RIN3: variants seen among roughly 807,000 people sequenced by gnomAD.
The protein encoded by RIN3 is Ras and Rab interactor 3, also known as RAB5 interacting protein 3.
In RIN3, 54 loss-of-function variants were observed where a neutral mutation model predicts 76.3. That is an observed-to-expected ratio of 0.71 (90% CI 0.57 to 0.89). The LOEUF (loss-of-function observed/expected upper bound fraction) is 0.89. RIN3 is among the 40% of genes least tolerant of loss of function. The pLI, the probability that RIN3 is intolerant of heterozygous loss-of-function variation, is 0.00. For synonymous variants in RIN3, 576 were observed against 564.0 expected (o/e 1.02, Z -0.30); for missense variants, 1,256 against 1,322.1 (o/e 0.95, Z 0.78).
At chr14:92,638,080 T>C (rs78877697) in intron 4 of RIN3, among the ~76,000 whole-genome samples, 16,977 of 152,226 alleles carry the variant, frequency 0.11, 1,066 homozygotes, top group Non-Finnish European at 0.14. Context: ...CTGTGTGTGC[T>C]TTCCTCTGGA....
chr14:92,617,947 A>G (rs546472900), intron 4 of RIN3, among the ~76,000 whole-genome samples: 23 of 152,322 alleles, frequency 1.5e-4, no homozygotes, highest in African/African-American at 5.3e-4. Flanking sequence ...ACTTTAAACC[A>G]TGGAAAAAGG....
Position 92,581,373 on chromosome 14 carries a change from G to A in RIN3, c.367+3896G>A, listed in dbSNP as rs373706464. 2.0e-4 allele frequency among the ~76,000 whole-genome samples: 30 copies of A among 152,202 alleles called. No individual in the cohort carries two copies. In the South Asian group the frequency reaches 4.8e-3, roughly 24 times the overall value. On this transcript the variant is annotated intron_variant, in intron 3 of 9. Transcript: ENST00000216487. ...CACCTGCCAGTTACCTACAACTTTC[G>A]GAAACCCAAGAGCCAGCTGTGCTCT...
At chr14:92,624,285 A>T (rs893893331) in intron 4 of RIN3, among the ~76,000 whole-genome samples, 3 of 152,096 alleles carry the variant, frequency 2.0e-5, no homozygotes, top group South Asian at 2.1e-4. Flanking sequence ...AGGGATGGAG[A>T]TGTACTGAGG....
intron 3 of RIN3, among the ~76,000 whole-genome samples, chr14:92,582,158 C>T (rs565351176): frequency 3.2e-4 from 48 of 152,208 alleles, no homozygotes; most frequent in African/African-American, 1.1e-3. Flanking sequence ...TTTGGTCAAG[C>T]GAAGAATTTT....
At chr14:92,612,982 G>T (rs1004498807) in intron 3 of RIN3, among the ~76,000 whole-genome samples, 1 of 152,228 alleles carries the variant, frequency 6.6e-6, no homozygotes, top group Admixed American at 6.5e-5. Flanking sequence ...GGGCACAGAA[G>T]GGGGTGTGAC....
chr14:92,566,999 G>T lies in RIN3; in HGVS notation c.250-10361G>T, dbSNP rs111871095. On this transcript the variant is annotated intron_variant, in intron 2 of 9. Transcript: ENST00000216487. ...CACCAGTGGGTTGGTTGGGCTAGAG[G>T]TTATGTATTGTAGTGGTCACAAACG... 7.3e-4 allele frequency among the ~76,000 whole-genome samples: 111 copies of T among 152,300 alleles called. 1 individual carries two copies. Among genetic ancestry groups the T allele is most frequent in the African/African-American group, 2.4e-3 (100 of 41,544 alleles).
At chr14:92,554,444 A>G (rs943141651) in intron 1 of RIN3, among the ~76,000 whole-genome samples, 1 of 152,058 alleles carries the variant, frequency 6.6e-6, no homozygotes, top group Non-Finnish European at 1.5e-5. Flanking sequence ...ACTCATCCTC[A>G]TTCTGGGGGC....
chr14:92,658,638 G>A (rs1398251253), intron 6 of RIN3, among the ~76,000 whole-genome samples: 4 of 152,188 alleles, frequency 2.6e-5, no homozygotes, highest in Non-Finnish European at 4.4e-5. Flanking sequence ...GATGGTGGTA[G>A]CCTGACCAAC....
chr14:92,664,823 G>A (rs1243744216), intron 7 of RIN3, among the ~76,000 whole-genome samples: 7 of 152,104 alleles, frequency 4.6e-5, no homozygotes, highest in African/African-American at 1.7e-4. Context: ...ACATAGCCAC[G>A]GTGGAGTTGT....
rs964899646 is a variant in RIN3, at chr14:92,656,196, T to C, written c.2027-2965T>C. Among the ~76,000 whole-genome samples, 1 of 152,086 alleles carries C rather than the reference T, an allele frequency of 6.6e-6. No homozygotes were observed. The highest frequency in any genetic ancestry group is 6.5e-5 in the Admixed American group (1 of 15,270). ...GGCCCAAAGGAGGAGTCAGGGATGC[T>C]AAGCCGTGGAAAGGGTAGTGGAAGG... On this transcript the variant is annotated intron_variant, in intron 6 of 9. Transcript: ENST00000216487. This position sits in a 1 kb window ranked among gnomAD's most constrained non-coding sequence, Gnocchi z 5.2.
chr14:92,677,441 T>A (rs1018256110), intron 8 of RIN3, among the ~76,000 whole-genome samples: 21 of 152,224 alleles, frequency 1.4e-4, no homozygotes, highest in African/African-American at 5.1e-4. Context: ...GTTCTTGAGA[T>A]GAGCAGACCC....
chr14:92,614,401 T>A (rs1885869243), intron 3 of RIN3, among the ~76,000 whole-genome samples: 1 of 152,232 alleles, frequency 6.6e-6, no homozygotes, highest in Non-Finnish European at 1.5e-5. Context: ...TTGCTTGGGA[T>A]GACTGTGATC....
At chr14:92,602,184 G>A (rs1885371613) in intron 3 of RIN3, among the ~76,000 whole-genome samples, 1 of 152,206 alleles carries the variant, frequency 6.6e-6, no homozygotes, top group African/African-American at 2.4e-5. Flanking sequence ...CAGGGCCAGA[G>A]CTGGGCCTGT....
chr14:92,633,578 G>A lies in RIN3; in HGVS notation c.441-7660G>A, dbSNP rs145514220. Among the ~76,000 whole-genome samples the A allele has an allele frequency of 3.9e-3, 596 of 152,304 alleles. 4 individuals are homozygous for A. Among genetic ancestry groups the A allele is most frequent in the African/African-American group, 0.014 (563 of 41,570 alleles). ...GCCTGAGACAACTGCATCTGAAGTG[G>A]GGGCAGTCTTGGGGGACTGAAGCCT... On this transcript the variant is annotated intron_variant, in intron 4 of 9. Transcript: ENST00000216487.
intron 4 of RIN3, among the ~76,000 whole-genome samples, chr14:92,636,172 C>T (rs1193595583): frequency 1.3e-5 from 2 of 152,000 alleles, no homozygotes; most frequent in Non-Finnish European, 2.9e-5. Flanking sequence ...TGCTCCTGGA[C>T]ACTTAGTAAG....
At chr14:92,562,499 T>C (rs149520614) in intron 2 of RIN3, among the ~76,000 whole-genome samples, 305 of 152,342 alleles carry the variant, frequency 2.0e-3, no homozygotes, top group Admixed American at 5.0e-3. Context: ...TTCTCTCCCA[T>C]CTATTTGTTA....
chr14:92,555,011 T>C (rs987352735), intron 1 of RIN3, among the ~76,000 whole-genome samples: 3 of 152,224 alleles, frequency 2.0e-5, no homozygotes, highest in Non-Finnish European at 2.9e-5. Flanking sequence ...AAATCCTGTG[T>C]ATATTTTGTG....
At chr14:92,525,647 G>A (rs1012630637) in intron 1 of RIN3, among the ~76,000 whole-genome samples, 2 of 152,118 alleles carry the variant, frequency 1.3e-5, no homozygotes, top group Non-Finnish European at 2.9e-5. Flanking sequence ...CCAAGGGAGA[G>A]GGTCCAGCCA....
At chr14:92,673,633 G>A (rs996024846) in intron 7 of RIN3, among the ~76,000 whole-genome samples, 1 of 151,996 alleles carries the variant, frequency 6.6e-6, no homozygotes, top group African/African-American at 2.4e-5. Flanking sequence ...AGCCTCCCAA[G>A]TAGCTGGGAT....
Sources: gnomAD v4.1 joint callset for allele counts (sites outside exome capture counted in the v4.1 genomes callset) on GRCh38, gnomAD v4.1.1 for gene constraint, Gnocchi (gnomAD v3.1) non-coding constraint, MANE v1.5 for transcripts, NCBI Gene and HGNC (gene_info 2026-07-23, HGNC 2026-07-21) for gene names.